ARAP2: variants seen among roughly 807,000 people sequenced by gnomAD.
ARAP2 encodes the protein ArfGAP with RhoGAP domain, ankyrin repeat and PH domain 2.
A neutral mutation model predicts 194.5 loss-of-function variants in ARAP2; 148 were observed. That is an observed-to-expected ratio of 0.76 (90% CI 0.67 to 0.87). The LOEUF (loss-of-function observed/expected upper bound fraction) is 0.87, where lower values mean the gene tolerates loss of function less well. ARAP2 is among the 40% of genes least tolerant of loss of function. The pLI, the probability that ARAP2 is intolerant of heterozygous loss-of-function variation, is 0.00. For synonymous variants in ARAP2, 695 were observed against 683.5 expected (o/e 1.02, Z -0.26); for missense variants, 2,128 against 1,989.7 (o/e 1.07, Z -1.32).
intron 27 of ARAP2, among the ~76,000 whole-genome samples, chr4:36,101,820 C>A (rs938503723): frequency 1.3e-5 from 2 of 151,948 alleles, no homozygotes; most frequent in Non-Finnish European, 2.9e-5. Flanking sequence ...TGTCTCCTAT[C>A]CTGGGATACT....
intron 6 of ARAP2, among the ~76,000 whole-genome samples, chr4:36,017,116 T>TATAC (rs1365016295): frequency 6.6e-6 from 1 of 151,482 alleles, no homozygotes. Flanking sequence ...AACTTAAATA[T>TATAC]ATATATATAC....
At position 36,147,623 on chromosome 4, in the gene ARAP2, A is replaced by T; in HGVS notation, c.3124T>A (p.Ser1042Thr). ...ATTTGAAGGCAAAAATGCAAGCTGGATTTGTCCATAGCAAACCAGCCTTTT... is the reference window on the plus strand; with the variant it reads ...ATTTGAAGGCAAAAATGCAAGCTGGTTTTGTCCATAGCAAACCAGCCTTTT... ...WRKGWFAMDKSSLHFCLQMQE... is the reference protein window; with the variant it reads ...WRKGWFAMDKTSLHFCLQMQE... Residue 1042 changes from serine to threonine, a missense_variant, in exon 18 of 33, where the codon TCC (serine) becomes ACC (threonine). Coordinates refer to ENST00000303965, the MANE Select transcript of ARAP2 (RefSeq NM_015230.4). 3 of 1,613,642 alleles carry T rather than the reference A, an allele frequency of 1.9e-6. No individual in the cohort carries two copies. Among genetic ancestry groups the T allele is most frequent in the Non-Finnish European group, 2.5e-6 (3 of 1,179,702 alleles).
chr4:36,058,273 A>G (rs1723852113), intron 1 of ARAP2: 1 of 152,264 alleles, frequency 6.6e-6, no homozygotes, highest in African/African-American at 2.4e-5. Flanking sequence ...TCACAATTCA[A>G]CAAATGTCTT....
At chr4:36,021,687 G>C (rs1290229754) in intron 5 of ARAP2, among the ~76,000 whole-genome samples, 2 of 152,218 alleles carry the variant, frequency 1.3e-5, no homozygotes, top group East Asian at 3.9e-4. Flanking sequence ...CGAGTCTCAG[G>C]TATTTTTTAA....
chr4:36,227,116 G>A (rs1218284968), intron 2 of ARAP2, among the ~76,000 whole-genome samples: 2 of 152,204 alleles, frequency 1.3e-5, no homozygotes, highest in Admixed American at 6.5e-5. Context: ...TAAGGAAGTG[G>A]GATCTAGAGT....
chr4:36,172,607 G>A (rs892050542), intron 9 of ARAP2, among the ~76,000 whole-genome samples: 1 of 152,050 alleles, frequency 6.6e-6, no homozygotes, highest in African/African-American at 2.4e-5. Flanking sequence ...AGGACCTGGC[G>A]AAAACTACAT....
At chr4:36,198,412 C>G (rs762271871) in intron 6 of ARAP2, among the ~76,000 whole-genome samples, 1 of 152,228 alleles carries the variant, frequency 6.6e-6, no homozygotes. Flanking sequence ...AACCTTTAGG[C>G]CCTCCCTGGC....
At chr4:36,139,356 GCA>G (rs1287786822) in intron 19 of ARAP2, among the ~76,000 whole-genome samples, 11 of 151,410 alleles carry the variant, frequency 7.3e-5, no homozygotes, top group Non-Finnish European at 1.3e-4. Flanking sequence ...TTAAACTGAT[GCA>G]CAGTTTTATA....
At chr4:36,089,357 T>C (rs1318964345) in intron 28 of ARAP2, among the ~76,000 whole-genome samples, 3 of 152,136 alleles carry the variant, frequency 2.0e-5, no homozygotes, top group Non-Finnish European at 2.9e-5. Context: ...TTCCTATTGG[T>C]GGACATTTGG....
At chr4:36,026,507 G>A (rs1254646174) in intron 5 of ARAP2, among the ~76,000 whole-genome samples, 1 of 152,188 alleles carries the variant, frequency 6.6e-6, no homozygotes, top group Non-Finnish European at 1.5e-5. Context: ...TCTGCTGTGA[G>A]TGACAATGAG....
rs142898100 is a variant in ARAP2, at chr4:36,128,279, T to C, written c.3640+254A>G. Among the ~76,000 whole-genome samples the C allele has an allele frequency of 2.4e-3, 362 of 152,078 alleles. 1 individual carries two copies. The highest frequency in any genetic ancestry group is 8.4e-3 in the African/African-American group (351 of 41,544). On this transcript the variant is annotated intron_variant, in intron 21 of 32. Coordinates refer to ENST00000303965, the MANE Select transcript of ARAP2 (RefSeq NM_015230.4). The stretch of plus-strand genomic sequence containing the variant: ...AGCAAAGTATGCACTAAGAAATCCA[T>C]TGAAAACTAAGTATATACCAAACGA...
At chr4:36,044,918 T>C (rs1249953407) in intron 5 of ARAP2, among the ~76,000 whole-genome samples, 1 of 151,314 alleles carries the variant, frequency 6.6e-6, no homozygotes, top group South Asian at 2.1e-4. Flanking sequence ...AAAGAAGATA[T>C]AGAAATGGCG....
intron 6 of ARAP2, among the ~76,000 whole-genome samples, chr4:36,201,601 G>A (rs1744376252): frequency 6.6e-6 from 1 of 152,168 alleles, no homozygotes; most frequent in African/African-American, 2.4e-5. Context: ...CTCTGGTAGG[G>A]CAGGTGGTGT....
intron 27 of ARAP2, among the ~76,000 whole-genome samples, chr4:36,099,210 G>T (rs1716181532): frequency 6.6e-6 from 1 of 151,992 alleles, no homozygotes; most frequent in South Asian, 2.1e-4. Flanking sequence ...AGCTCCATCT[G>T]TGTCCCTGCT....
At chr4:36,138,921 C>T (rs1366467656) in intron 19 of ARAP2, among the ~76,000 whole-genome samples, 1 of 151,710 alleles carries the variant, frequency 6.6e-6, no homozygotes, top group Admixed American at 6.6e-5. Flanking sequence ...ATTTGTATTT[C>T]TCTGGTACTT....
intron 17 of ARAP2, 64 bp from the exon 18 acceptor site, chr4:36,147,810 C>G (rs938136870): frequency 3.1e-6 from 4 of 1,300,492 alleles, no homozygotes; most frequent in Non-Finnish European, 4.2e-6. Flanking sequence ...TCCCTATCTA[C>G]TGATATGAGA....
intron 32 of ARAP2, among the ~76,000 whole-genome samples, chr4:36,070,203 G>C (rs61797475): frequency 0.12 from 18,859 of 152,194 alleles, 1,279 homozygotes; most frequent in Middle Eastern, 0.2. Context: ...AGATGTGATA[G>C]AAGTGAACTG....
chr4:36,170,720 G>A (rs1408634619), intron 9 of ARAP2, among the ~76,000 whole-genome samples: 3 of 152,058 alleles, frequency 2.0e-5, no homozygotes, highest in South Asian at 2.1e-4. Context: ...ATGAACTCTC[G>A]TTTGATTTCC....
intron 28 of ARAP2, among the ~76,000 whole-genome samples, chr4:36,087,686 A>G (rs543758728): frequency 6.6e-6 from 1 of 152,260 alleles, no homozygotes; most frequent in South Asian, 2.1e-4. Flanking sequence ...AGCTTGAGAG[A>G]AAACACTATA....
Sources: allele counts gnomAD v4.1 joint callset (sites outside exome capture counted in the v4.1 genomes callset), GRCh38; gene constraint gnomAD v4.1.1; transcripts MANE v1.5; gene names NCBI Gene and HGNC (gene_info 2026-07-23, HGNC 2026-07-21).